APIP: variants seen among roughly 807,000 people sequenced by gnomAD.
APIP encodes the protein APAF1 interacting protein, also known as methylthioribulose-1-phosphate dehydratase.
APIP carries 32 observed loss-of-function variants against 32.0 expected under a neutral mutation model. That is an observed-to-expected ratio of 1.00 (90% CI 0.76 to 1.34). APIP has a LOEUF of 1.34. Among genes scored for constraint, APIP ranks in the 40% most tolerant of loss-of-function variants. The pLI is 0.00. For synonymous variants in APIP, 92 were observed against 94.8 expected (o/e 0.97, Z 0.17); for missense variants, 247 against 298.6 (o/e 0.83, Z 1.27).
chr11:34,893,427 T>C (rs1246272851), intron 2 of APIP, among the ~76,000 whole-genome samples: 1 of 152,232 alleles, frequency 6.6e-6, no homozygotes, highest in Non-Finnish European at 1.5e-5. Context: ...TTATTATAAA[T>C]AATACAGTTG....
rs750856958 is a variant in APIP, at chr11:34,882,547, A to G, written c.*170T>C. On this transcript the variant is annotated 3_prime_UTR_variant, in exon 7 of 7. Coordinates refer to ENST00000395787, the MANE Select transcript of APIP (RefSeq NM_015957.4). ...TGCCCTCATTTAAAATTATAAGAAT[A>G]TAAGCAAATAACATCCAATGTCAGA... 151 of 450,636 alleles carry G rather than the reference A, an allele frequency of 3.4e-4. No homozygotes were observed. Among genetic ancestry groups the G allele is most frequent in the Non-Finnish European group, 5.4e-4 (134 of 248,716 alleles). 27.9% of individuals were successfully genotyped at this position (450,636 alleles called of 1,614,324 possible).
At chr11:34,896,837 T>C (rs758202621) in intron 1 of APIP, 5 of 1,283,452 alleles carry the variant, frequency 3.9e-6, no homozygotes, top group East Asian at 5.6e-5. Flanking sequence ...AACTTCAATT[T>C]TGATAGCCAT....
chr11:34,884,345 T>C (rs1339394863), intron 5 of APIP, among the ~76,000 whole-genome samples: 1 of 152,254 alleles, frequency 6.6e-6, no homozygotes, highest in African/African-American at 2.4e-5. Context: ...AGTCATCATG[T>C]GACTGATAAC....
rs1489670708 is a variant in APIP at position 34,916,345 on chromosome 11, G to T, written c.-61C>A. The T allele has an allele frequency of 1.3e-6, 2 of 1,594,746 alleles. No individual in the cohort carries two copies. Among genetic ancestry groups the T allele is most frequent in the Middle Eastern group, 1.7e-4 (1 of 6,050 alleles). ...CGCACGGCTTTGCGCGCGGCGCTTA[G>T]CCTGGGATACGGCAGCGAGGCCGCA... is the stretch of plus-strand genomic sequence containing the variant. On this transcript the variant is annotated 5_prime_UTR_variant, in exon 1 of 7. Transcript: ENST00000395787.
rs1273875955 is a variant in APIP at position 34,883,396 on chromosome 11, T to C, written c.570A>G (p.Val190=). The C allele has an allele frequency of 6.2e-7, 1 of 1,613,928 alleles. No individual in the cohort carries two copies. Among genetic ancestry groups the C allele is most frequent in the Non-Finnish European group, 8.5e-7 (1 of 1,179,984 alleles). Residue 190 remains valine (V), a synonymous_variant, in exon 6 of 7, where the codon GTA becomes GTG. Transcript: ENST00000395787. The part of the protein sequence containing the change: ...AMNEYPDSCA[V]LVRRHGVYVW... ...CATATACTCCATGACGTCTGACCAG[T>C]ACTGCACAGGAGTCTGGGTATTCAT...
chr11:34,910,363 A>G (rs550638593), intron 1 of APIP, among the ~76,000 whole-genome samples: 1 of 152,238 alleles, frequency 6.6e-6, no homozygotes. Context: ...ACTTGGAGGC[A>G]TGGAGTTCTA....
chr11:34,909,643 T>C (rs929207311), intron 1 of APIP, among the ~76,000 whole-genome samples: 6 of 152,048 alleles, frequency 3.9e-5, no homozygotes, highest in Non-Finnish European at 7.4e-5. Flanking sequence ...AGGCGGAAGA[T>C]CAGTTGGCTA....
chr11:34,894,383 G>C (rs1261112998), intron 2 of APIP, among the ~76,000 whole-genome samples: 2 of 143,008 alleles, frequency 1.4e-5, no homozygotes, highest in Non-Finnish European at 3.0e-5. Context: ...TTTGAAATAT[G>C]TATCTGGGAG....
intron 3 of APIP, among the ~76,000 whole-genome samples, chr11:34,889,836 T>C (rs1354333135): frequency 6.6e-6 from 1 of 152,188 alleles, no homozygotes; most frequent in Non-Finnish European, 1.5e-5. Flanking sequence ...TATGGCTGCA[T>C]ACTAATCCAT....
At chr11:34,884,551 C>T (rs187574426) in intron 5 of APIP, among the ~76,000 whole-genome samples, 98 of 152,142 alleles carry the variant, frequency 6.4e-4, no homozygotes, top group Non-Finnish European at 1.2e-3. Flanking sequence ...ATGGTGAAAC[C>T]CCATCTGTAC....
Position 34,907,351 on chromosome 11 carries a change from C to T in APIP, c.57+8877G>A, listed in dbSNP as rs1269748769. Among the ~76,000 whole-genome samples the T allele has an allele frequency of 2.0e-5, 3 of 152,206 alleles. No individual in the cohort carries two copies. The South Asian group carries it at 6.2e-4, about 31-fold the overall frequency. On this transcript the variant is annotated intron_variant, in intron 1 of 6. Transcript: ENST00000395787. Reference sequence around the variant, plus strand: ...CCATCAATTTGCACAGCAAATAGCACACATTACAGAAAATGGTCTTTTATT... The same window carrying T: ...CCATCAATTTGCACAGCAAATAGCATACATTACAGAAAATGGTCTTTTATT...
chr11:34,916,368 G>A lies in APIP; in HGVS notation c.-84C>T. The A allele has an allele frequency of 1.3e-6, 2 of 1,569,170 alleles. No homozygotes were observed. Among genetic ancestry groups the A allele is most frequent in the Non-Finnish European group, 8.6e-7 (1 of 1,157,330 alleles). ...TAGCCTGGGATACGGCAGCGAGGCC[G>A]CAAATGCAATCAGGCGGCGCTGAGG... On this transcript the variant is annotated 5_prime_UTR_variant, in exon 1 of 7. Coordinates refer to ENST00000395787, the MANE Select transcript of APIP (RefSeq NM_015957.4).
intron 1 of APIP, among the ~76,000 whole-genome samples, chr11:34,907,819 A>G (rs1296155038): frequency 6.6e-6 from 1 of 152,232 alleles, no homozygotes; most frequent in African/African-American, 2.4e-5. Flanking sequence ...CATTTTGTAT[A>G]TATCAAAATC....
At chr11:34,896,641 C>T in intron 1 of APIP, 1 of 496,012 alleles carries the variant, frequency 2.0e-6, no homozygotes, top group Admixed American at 3.0e-5. Context: ...TTGAGGGGTG[C>T]AGCAAACCAC....
At chr11:34,914,368 G>A (rs965256511) in intron 1 of APIP, among the ~76,000 whole-genome samples, 3 of 152,132 alleles carry the variant, frequency 2.0e-5, no homozygotes, top group Non-Finnish European at 2.9e-5. Flanking sequence ...ATCACTTACA[G>A]TTGAACATTC....
chr11:34,895,191 C>T, intron 1 of APIP, 81 bp from the exon 2 acceptor site: 1 of 1,225,328 alleles, frequency 8.2e-7, no homozygotes, highest in Non-Finnish European at 1.2e-6. Flanking sequence ...AATAAGAAGC[C>T]AATTTAAGAA....
chr11:34,911,210 A>G (rs1334434067), intron 1 of APIP, among the ~76,000 whole-genome samples: 1 of 152,152 alleles, frequency 6.6e-6, no homozygotes, highest in Non-Finnish European at 1.5e-5. Flanking sequence ...AGGGGGCGGT[A>G]AAGATGAACA....
chr11:34,912,825 ACT>A (rs1421325392), intron 1 of APIP, among the ~76,000 whole-genome samples: 1 of 151,986 alleles, frequency 6.6e-6, no homozygotes, highest in Non-Finnish European at 1.5e-5. Context: ...TGCTTAATAA[ACT>A]TCCCTTTATA....
chr11:34,895,828 T>A (rs550892608), intron 1 of APIP, among the ~76,000 whole-genome samples: 1 of 151,616 alleles, frequency 6.6e-6, no homozygotes, highest in Non-Finnish European at 1.5e-5. Context: ...CACACCATTT[T>A]CTCCTGCTTT....
Sources: allele counts gnomAD v4.1 joint callset (sites outside exome capture counted in the v4.1 genomes callset), GRCh38; gene constraint gnomAD v4.1.1; transcripts MANE v1.5; gene names NCBI Gene and HGNC (gene_info 2026-07-23, HGNC 2026-07-21).